The following ROCK1 variants were observed in gnomAD, a reference collection of about 807,000 sequenced individuals.
ROCK1 encodes the protein Rho associated coiled-coil containing protein kinase 1, also known as rho-associated protein kinase 1.
A neutral mutation model predicts 196.8 loss-of-function variants in ROCK1; 36 were observed. That is an observed-to-expected ratio of 0.18 (90% CI 0.14 to 0.24). The LOEUF is 0.24. ROCK1 is among the 10% of genes least tolerant of loss of function. The pLI, the probability that ROCK1 is intolerant of heterozygous loss-of-function variation, is 1.00. For synonymous variants in ROCK1, 443 were observed against 515.9 expected, an observed-to-expected ratio of 0.86 and a Z score of 1.91; for missense variants, 920 against 1,562.0, an observed-to-expected ratio of 0.59 and a Z score of 6.93.
At chr18:21,040,436 T>C (rs2036095386) in intron 8 of ROCK1, among the ~76,000 whole-genome samples, 1 of 152,234 alleles carries the variant, frequency 6.6e-6, no homozygotes, top group South Asian at 2.1e-4. Flanking sequence ...TACCAGCCTC[T>C]TTTTTGGTGA....
At chr18:20,989,116 G>A (rs2035601222) in intron 18 of ROCK1, among the ~76,000 whole-genome samples, 1 of 152,130 alleles carries the variant, frequency 6.6e-6, no homozygotes, top group Admixed American at 6.6e-5. Context: ...ACCAAAATAC[G>A]ATTTGACTAA....
At chr18:21,098,569 A>G (rs917197283) in intron 1 of ROCK1, among the ~76,000 whole-genome samples, 10 of 152,034 alleles carry the variant, frequency 6.6e-5, no homozygotes, top group African/African-American at 2.4e-4. Flanking sequence ...GATAATTTGG[A>G]GACATTTAAA....
intron 22 of ROCK1, 49 bp downstream of exon 22, chr18:20,979,861 G>A: frequency 2.0e-6 from 3 of 1,492,848 alleles, no homozygotes; most frequent in Non-Finnish European, 2.7e-6. Flanking sequence ...TAAAACTTAA[G>A]AATGCCTGTT....
In ROCK1 at chr18:21,054,993, C is replaced by T. The variant is rs952640690; in HGVS notation, c.176-5113G>A. Among the ~76,000 whole-genome samples, 238 of 152,290 alleles carry T rather than the reference C, an allele frequency of 1.6e-3. 1 individual carries two copies. The highest frequency in any genetic ancestry group is 5.5e-3 in the African/African-American group (229 of 41,554). On this transcript the variant is annotated intron_variant, in intron 2 of 32. Transcript: ENST00000399799. ...GACCTCCAATCCATTGATTCTACTA[C>T]ACTCATACTTTCCCTCGTTGCACTG...
At position 21,011,837 on chromosome 18, in the gene ROCK1, AT is replaced by A. The variant is rs543982119; in HGVS notation, c.1410+3593del. Among the ~76,000 whole-genome samples the A allele has an allele frequency of 3.4e-3, 521 of 152,350 alleles. 1 individual carries two copies. The highest frequency in any genetic ancestry group is 0.012 in the African/African-American group (490 of 41,580). ...TTTTTTCTCATACACAGAGAATCAT[AT>A]TAGACAATATAATTTCTGCTTCAAC... On this transcript the variant is annotated intron_variant, in intron 13 of 32. Coordinates refer to ENST00000399799, the MANE Select transcript of ROCK1 (RefSeq NM_005406.3).
intron 10 of ROCK1, among the ~76,000 whole-genome samples, chr18:21,027,688 G>T (rs1410186651): frequency 1.3e-5 from 2 of 151,432 alleles, no homozygotes; most frequent in East Asian, 3.9e-4. Context: ...TTTGTCCAAG[G>T]TCACAGTGGA....
At chr18:21,082,321 C>T (rs1022763760) in intron 1 of ROCK1, among the ~76,000 whole-genome samples, 1 of 152,148 alleles carries the variant, frequency 6.6e-6, no homozygotes, top group African/African-American at 2.4e-5. Flanking sequence ...GGAAATATTT[C>T]CTAACTCATT....
At chr18:21,009,235 G>A (rs2035795387) in intron 13 of ROCK1, among the ~76,000 whole-genome samples, 2 of 139,126 alleles carry the variant, frequency 1.4e-5, no homozygotes, top group South Asian at 2.2e-4. Context: ...GGATGGTCTC[G>A]ATTTCCTGAC....
At chr18:21,029,247 A>G (rs1035536455) in intron 9 of ROCK1, among the ~76,000 whole-genome samples, 1 of 152,214 alleles carries the variant, frequency 6.6e-6, no homozygotes. Context: ...TAAAATACAC[A>G]AAAGCATTCG....
At chr18:21,110,431 G>GTCTT (rs549539796) in intron 1 of ROCK1, among the ~76,000 whole-genome samples, 108 of 152,150 alleles carry the variant, frequency 7.1e-4, no homozygotes, top group Admixed American at 1.6e-3. Context: ...ATGCAAAGTA[G>GTCTT]TCTTTCCAAT....
intron 2 of ROCK1, among the ~76,000 whole-genome samples, chr18:21,063,025 C>G (rs868747121): frequency 8.6e-5 from 13 of 152,022 alleles, no homozygotes; most frequent in African/African-American, 3.1e-4. Flanking sequence ...TAACAGAATA[C>G]CACAGAATGG....
At chr18:21,002,309 C>G (rs1026933274) in intron 16 of ROCK1, among the ~76,000 whole-genome samples, 4 of 152,138 alleles carry the variant, frequency 2.6e-5, no homozygotes, top group African/African-American at 9.7e-5. Flanking sequence ...AGGATGTGAT[C>G]TAAAACTACT....
chr18:21,111,310 G>C lies in ROCK1; in HGVS notation c.-400C>G. 2.2e-6 allele frequency: 1 copy of C among 455,726 alleles called. No homozygotes were observed. The highest frequency in any genetic ancestry group is 5.5e-5 in the South Asian group (1 of 18,234). 28.2% of individuals were successfully genotyped at this position (455,726 alleles called of 1,614,324 possible). A position where few individuals can be genotyped will look rare whatever the true frequency, so the allele number is the denominator to read the frequency against. On this transcript the variant is annotated 5_prime_UTR_variant, in exon 1 of 33. Transcript: ENST00000399799. The surrounding 1 kb of genome is among the most constrained non-coding windows in gnomAD (Gnocchi z 4.2). ...GAGAAGCAGGGTGGAGACTCCCTCC[G>C]GGCAACAAGGGAGGGAGAAGAGGAA...
chr18:20,987,302 G>A (rs531636969), intron 18 of ROCK1, among the ~76,000 whole-genome samples, 192 bp from the exon 19 acceptor site: 2 of 152,268 alleles, frequency 1.3e-5, no homozygotes, highest in Admixed American at 6.5e-5. Flanking sequence ...AAGAAAAGGA[G>A]TTATAAAATA....
intron 29 of ROCK1, among the ~76,000 whole-genome samples, chr18:20,957,537 G>A (rs2035255615): frequency 6.6e-6 from 1 of 151,930 alleles, no homozygotes; most frequent in Non-Finnish European, 1.5e-5. Flanking sequence ...CTGCAGTGCA[G>A]TGGCGCAATC....
intron 1 of ROCK1, among the ~76,000 whole-genome samples, chr18:21,094,131 T>A (rs1379426148): frequency 1.3e-5 from 2 of 152,186 alleles, no homozygotes; most frequent in African/African-American, 4.8e-5. Flanking sequence ...ATTTTCCACA[T>A]GTGACTAAAA....
At chr18:21,058,130 A>G (rs1348226377) in intron 2 of ROCK1, among the ~76,000 whole-genome samples, 2 of 152,232 alleles carry the variant, frequency 1.3e-5, no homozygotes, top group African/African-American at 4.8e-5. Context: ...ATACTGATAC[A>G]CAGATATGGA....
intron 16 of ROCK1, among the ~76,000 whole-genome samples, chr18:21,003,308 C>A (rs1404451818): frequency 1.3e-5 from 2 of 152,090 alleles, no homozygotes; most frequent in African/African-American, 4.8e-5. Flanking sequence ...GAGGAAAATA[C>A]AGATTAAAAT....
intron 26 of ROCK1, among the ~76,000 whole-genome samples, chr18:20,967,386 G>A (rs1444490141): frequency 6.6e-6 from 1 of 152,064 alleles, no homozygotes; most frequent in Non-Finnish European, 1.5e-5. Context: ...AGCTTTAAAG[G>A]TATAGAAAAC....
Sources: gnomAD v4.1 joint callset for allele counts (sites outside exome capture counted in the v4.1 genomes callset) on GRCh38, gnomAD v4.1.1 for gene constraint, Gnocchi (gnomAD v3.1) non-coding constraint, MANE v1.5 for transcripts, NCBI Gene and HGNC (gene_info 2026-07-23, HGNC 2026-07-21) for gene names.